The following OR4N5 variants were observed in gnomAD, a reference collection of about 807,000 sequenced individuals.
The protein encoded by OR4N5 is olfactory receptor 4N5.
For missense variants in OR4N5, 428 were observed against 370.0 expected, an observed-to-expected ratio of 1.16 and a Z score of -1.29; for synonymous variants, 155 against 140.6, an observed-to-expected ratio of 1.10 and a Z score of -0.72.
chr14:20,143,495 A>T (rs1168484459), intron 2 of OR4N5, among the ~76,000 whole-genome samples: 1 of 152,200 alleles, frequency 6.6e-6, no homozygotes, highest in Non-Finnish European at 1.5e-5. Context: ...GTTACCTAGA[A>T]GCCTGAGGTT....
rs1878676572 is a variant in OR4N5 at position 20,144,084 on chromosome 14, G to T, written c.349G>T (p.Val117Leu). ...LGAGEMFLLVVMAFDRYIAIC... is the reference protein window; with the variant it reads ...LGAGEMFLLVLMAFDRYIAIC... ...AGCGGGAGAGATGTTCCTCCTCGTT[G>T]TGATGGCCTTTGACCGCTACATCGC... The change falls in exon 3 of 3, where the codon GTG becomes TTG. Residue 117 changes from valine to leucine, a missense_variant. Val to Leu is a conservative substitution (Grantham distance 32). Coordinates refer to ENST00000641086, the MANE Select transcript of OR4N5 (RefSeq NM_001004724.2). 1 of 1,613,980 alleles carries T rather than the reference G, an allele frequency of 6.2e-7. No individual in the cohort carries two copies. Among genetic ancestry groups the T allele is most frequent in the Non-Finnish European group, 8.5e-7 (1 of 1,180,000 alleles).
At chr14:20,140,643 C>T (rs931149024) in intron 1 of OR4N5, among the ~76,000 whole-genome samples, 200 bp from the exon 2 acceptor site, 1 of 152,142 alleles carries the variant, frequency 6.6e-6, no homozygotes, top group African/African-American at 2.4e-5. Flanking sequence ...ACCCTCTCCA[C>T]TTATGCATCT....
Position 20,143,764 on chromosome 14 carries a change from C to G in OR4N5, c.29C>G (p.Thr10Arg), listed in dbSNP as rs1878663628. METQNLTVVTEFILLGLTQS... is the reference protein window; with the variant it reads METQNLTVVREFILLGLTQS... The stretch of plus-strand genomic sequence containing the variant: ...GAAACACAGAACCTCACAGTGGTGA[C>G]AGAATTCATTCTTCTTGGTCTGACC... Residue 10 changes from threonine (T) to arginine (R), a missense_variant, in exon 3 of 3, where the codon ACA becomes AGA. Transcript: ENST00000641086. 1 of 1,611,898 alleles carries G rather than the reference C, an allele frequency of 6.2e-7. No individual in the cohort carries two copies. Among genetic ancestry groups the G allele is most frequent in the Non-Finnish European group, 8.5e-7 (1 of 1,179,064 alleles).
In OR4N5 at chr14:20,143,992, T is replaced by C. The variant is rs1878672511; in HGVS notation, c.257T>C (p.Leu86Pro). The change falls in exon 3 of 3, where the codon CTC (leucine) becomes CCC (proline). Residue 86 changes from leucine (L) to proline (P), a missense_variant. Physicochemically the swap from Leu to Pro is moderately conservative, Grantham distance 98. Coordinates refer to ENST00000641086, the MANE Select transcript of OR4N5 (RefSeq NM_001004724.2). ...IVVPRMLVDF[L>P]SEKKVISYRS... ...GTTCCCAGGATGTTGGTGGACTTCC[T>C]CTCTGAGAAGAAGGTAATCTCCTAT... 1.2e-6 allele frequency: 2 copies of C among 1,613,960 alleles called. No homozygotes were observed. The highest frequency in any genetic ancestry group is 1.3e-5 in the African/African-American group (1 of 74,934).
At chr14:20,140,532 G>A (rs1401285345) in intron 1 of OR4N5, among the ~76,000 whole-genome samples, 1 of 152,150 alleles carries the variant, frequency 6.6e-6, no homozygotes, top group Non-Finnish European at 1.5e-5. Context: ...TTGGCTTCAG[G>A]AGCTGGTCTG....
rs988945398 is a variant in OR4N5 at position 20,143,871 on chromosome 14, A to G, written c.136A>G (p.Ile46Val). 2 of 1,613,724 alleles carry G rather than the reference A, an allele frequency of 1.2e-6. No individual in the cohort carries two copies. Among genetic ancestry groups the G allele is most frequent in the Non-Finnish European group, 1.7e-6 (2 of 1,179,870 alleles). Residue 46 changes from isoleucine (I) to valine (V), a missense_variant, in exon 3 of 3, where the codon ATT becomes GTT. Physicochemically the swap from Ile to Val is conservative, Grantham distance 29. Transcript: ENST00000641086. ...LIILPGNFLI[I>V]FTIKSDPGLT... ...CATCCTCCCTGGAAATTTCCTCATC[A>G]TTTTCACCATAAAGTCAGACCCTGG...
rs184611209 is a variant in OR4N5 at position 20,141,053 on chromosome 14, T to C, written c.-170T>C. ...AGATGTTGAGTAACATGGAATTTCATCTGTTAGTTAACAGAAAATAGACGG... is the reference window on the plus strand; with the variant it reads ...AGATGTTGAGTAACATGGAATTTCACCTGTTAGTTAACAGAAAATAGACGG... On this transcript the variant is annotated 5_prime_UTR_variant, in exon 2 of 3. Coordinates refer to ENST00000641086, the MANE Select transcript of OR4N5 (RefSeq NM_001004724.2). 25 of 152,266 alleles carry C rather than the reference T, an allele frequency of 1.6e-4. No individual in the cohort carries two copies. The highest frequency in any genetic ancestry group is 6.0e-4 in the African/African-American group (25 of 41,568). The allele number at this position is 152,266 out of a possible 1,614,324, so 9.4% of individuals were successfully genotyped here.
In OR4N5 at chr14:20,138,896, A is replaced by T. The variant is rs576649067; in HGVS notation, c.-381+6A>T. 2 of 151,860 alleles carry T rather than the reference A, an allele frequency of 1.3e-5. No homozygotes were observed. Among genetic ancestry groups the T allele is most frequent in the South Asian group, 4.2e-4 (2 of 4,808 alleles). The allele number at this position is 151,860 out of a possible 1,614,324, so 9.4% of individuals were successfully genotyped here. A position where few individuals can be genotyped will look rare whatever the true frequency, so the allele number is the denominator to read the frequency against. Reference sequence around the variant, plus strand: ...AGCATTTGGCTCCCGGCAAGGTAAAATTTTTTATCATTCTTTATATTTAAA... The same window carrying T: ...AGCATTTGGCTCCCGGCAAGGTAAATTTTTTTATCATTCTTTATATTTAAA... On this transcript the variant is annotated splice_donor_region_variant and intron_variant, in intron 1 of 2. Coordinates refer to ENST00000641086, the MANE Select transcript of OR4N5 (RefSeq NM_001004724.2).
chr14:20,142,336 A>G (rs946665945), intron 2 of OR4N5, among the ~76,000 whole-genome samples: 6 of 152,028 alleles, frequency 3.9e-5, no homozygotes, highest in Non-Finnish European at 7.4e-5. Context: ...TCACCATGTT[A>G]GCCAGGATGG....
chr14:20,144,004 AG>A lies in OR4N5; in HGVS notation c.271del (p.Val91Ter). ...TTGGTGGACTTCCTCTCTGAGAAGA[AG>A]GTAATCTCCTATAGAAGCTGCATCA... ...RMLVDFLSEK[K>X]VISYRSCITQ... On this transcript the variant is annotated frameshift_variant, in exon 3 of 3. Transcript: ENST00000641086. LOFTEE classifies it low-confidence loss of function (END_TRUNC). 1.2e-6 allele frequency: 2 copies of A among 1,614,070 alleles called. No homozygotes were observed. The highest frequency in any genetic ancestry group is 1.7e-6 in the Non-Finnish European group (2 of 1,179,986).
At chr14:20,142,501 T>A (rs939785882) in intron 2 of OR4N5, among the ~76,000 whole-genome samples, 7 of 152,182 alleles carry the variant, frequency 4.6e-5, no homozygotes, top group African/African-American at 1.7e-4. Flanking sequence ...CTTGTGCACC[T>A]CCTTGGGTGA....
At chr14:20,140,019 A>G (rs917462030) in intron 1 of OR4N5, among the ~76,000 whole-genome samples, 1 of 152,204 alleles carries the variant, frequency 6.6e-6, no homozygotes, top group African/African-American at 2.4e-5. Context: ...ATATTCAGGA[A>G]GTAAGGCTTA....
At position 20,141,105 on chromosome 14, in the gene OR4N5, A is replaced by G. The variant is rs746153770; in HGVS notation, c.-118A>G. The G allele has an allele frequency of 1.3e-5, 2 of 152,198 alleles. No individual in the cohort carries two copies. Among genetic ancestry groups the G allele is most frequent in the African/African-American group, 2.4e-5 (1 of 41,470 alleles). The allele number at this position is 152,198 out of a possible 1,614,324, so 9.4% of individuals were successfully genotyped here. On this transcript the variant is annotated 5_prime_UTR_variant, in exon 2 of 3. Coordinates refer to ENST00000641086, the MANE Select transcript of OR4N5 (RefSeq NM_001004724.2). ...AATAGTAGAAAATAAAAGCAAAGGA[A>G]GAGTGAGAGAGGCTGAAACTCTCAG...
In OR4N5 at chr14:20,144,872, T is replaced by A; in HGVS notation, c.*210T>A. 2 of 525,250 alleles carry A rather than the reference T, an allele frequency of 3.8e-6. No individual in the cohort carries two copies. The allele number at this position is 525,250 out of a possible 1,614,324, so 32.5% of individuals were successfully genotyped here. On this transcript the variant is annotated 3_prime_UTR_variant, in exon 3 of 3. Transcript: ENST00000641086. The stretch of plus-strand genomic sequence containing the variant: ...TATTCAAGGGGATAAATACAGGTTA[T>A]TAGATTTATTCAAGGGGATAAATAC...
At chr14:20,141,455 G>GT (rs1878613821) in intron 2 of OR4N5, among the ~76,000 whole-genome samples, 1 of 152,142 alleles carries the variant, frequency 6.6e-6, no homozygotes, top group Admixed American at 6.5e-5. Context: ...CCCATGTGTT[G>GT]TAAGTACTTA....
intron 1 of OR4N5, among the ~76,000 whole-genome samples, chr14:20,139,909 G>C (rs2139073713): frequency 6.6e-6 from 1 of 152,192 alleles, no homozygotes; most frequent in South Asian, 2.1e-4. Flanking sequence ...AAAATAACTT[G>C]CCTCATTTTT....
chr14:20,144,808 A>G lies in OR4N5; in HGVS notation c.*146A>G. The G allele has an allele frequency of 1.6e-6, 1 of 610,904 alleles. No individual in the cohort carries two copies. Among genetic ancestry groups the G allele is most frequent in the South Asian group, 2.0e-5 (1 of 48,866 alleles). 37.8% of individuals were successfully genotyped at this position (610,904 alleles called of 1,614,324 possible). On this transcript the variant is annotated 3_prime_UTR_variant, in exon 3 of 3. Coordinates refer to ENST00000641086, the MANE Select transcript of OR4N5 (RefSeq NM_001004724.2). Reference sequence around the variant, plus strand: ...CATTTTCAGGCACTATTCCAGGCATATGAATGAGACAGGTAAGATTCCAGG... The same window carrying G: ...CATTTTCAGGCACTATTCCAGGCATGTGAATGAGACAGGTAAGATTCCAGG...
chr14:20,144,496 C>G lies in OR4N5; in HGVS notation c.761C>G (p.Ala254Gly), dbSNP rs770830644. ...ATTATATTTCTCATGTTTGGACCTG[C>G]TATTTTCATCTACACTTGCCCCTTC... ...IIIIFLMFGP[A>G]IFIYTCPFQA... is the part of the protein sequence containing the mutation. Residue 254 changes from alanine (A) to glycine (G), a missense_variant, in exon 3 of 3, where the codon GCT (alanine) becomes GGT (glycine). Ala to Gly is a moderately conservative substitution (Grantham distance 60). Coordinates refer to ENST00000641086, the MANE Select transcript of OR4N5 (RefSeq NM_001004724.2). 1.7e-5 allele frequency: 28 copies of G among 1,614,070 alleles called. No individual in the cohort carries two copies. The highest frequency in any genetic ancestry group is 2.4e-5 in the Non-Finnish European group (28 of 1,179,976).
rs1488251019 is a variant in OR4N5, at chr14:20,144,764, A to G, written c.*102A>G. The G allele has an allele frequency of 1.4e-6, 1 of 733,992 alleles. No homozygotes were observed. Among genetic ancestry groups the G allele is most frequent in the Non-Finnish European group, 2.2e-6 (1 of 449,686 alleles). The allele number at this position is 733,992 out of a possible 1,614,324, so 45.5% of individuals were successfully genotyped here. Reference sequence around the variant, plus strand: ...ATCAGTCAGTCATTTAGCAAGTATTATAATTATTAAGTACTTCCCATTTTC... The same window carrying G: ...ATCAGTCAGTCATTTAGCAAGTATTGTAATTATTAAGTACTTCCCATTTTC... On this transcript the variant is annotated 3_prime_UTR_variant, in exon 3 of 3. Coordinates refer to ENST00000641086, the MANE Select transcript of OR4N5 (RefSeq NM_001004724.2).
Sources: gnomAD v4.1 joint callset for allele counts (sites outside exome capture counted in the v4.1 genomes callset) on GRCh38, gnomAD v4.1.1 for gene constraint, MANE v1.5 for transcripts, NCBI Gene and HGNC (gene_info 2026-07-23, HGNC 2026-07-21) for gene names.